LRRC4C: variants seen among roughly 807,000 people sequenced by gnomAD.
LRRC4C encodes leucine-rich repeat-containing protein 4C.
In LRRC4C, 5 loss-of-function variants were observed where a neutral mutation model predicts 33.6. That is an observed-to-expected ratio of 0.15 (90% CI 0.08 to 0.31). The LOEUF (loss-of-function observed/expected upper bound fraction) is 0.31. LRRC4C is among the 10% of genes least tolerant of loss of function. The probability of loss-of-function intolerance (pLI) is 1.00; values close to 1 mark genes in which losing one functional copy is unlikely to be tolerated. For synonymous variants in LRRC4C, 329 were observed against 302.0 expected (o/e 1.09, Z -0.93); for missense variants, 560 against 796.7 (o/e 0.70, Z 3.58).
intron 2 of LRRC4C, among the ~76,000 whole-genome samples, chr11:40,665,695 C>G (rs1231289790): frequency 6.6e-6 from 1 of 151,776 alleles, no homozygotes; most frequent in Non-Finnish European, 1.5e-5. Context: ...TTTTTAAATG[C>G]TTTTGAGGAG....
chr11:40,704,669 A>G (rs1373532300), intron 2 of LRRC4C, among the ~76,000 whole-genome samples: 1 of 152,170 alleles, frequency 6.6e-6, no homozygotes, highest in African/African-American at 2.4e-5. Flanking sequence ...TAGAGTTCAC[A>G]ATAATTTCTG....
chr11:41,253,600 T>C (rs1191526015), intron 1 of LRRC4C, among the ~76,000 whole-genome samples: 1 of 152,050 alleles, frequency 6.6e-6, no homozygotes, highest in Non-Finnish European at 1.5e-5. Flanking sequence ...CATGATGAAA[T>C]AGGTACATAA....
chr11:40,264,171 A>G (rs1358582757), intron 4 of LRRC4C, among the ~76,000 whole-genome samples: 2 of 152,192 alleles, frequency 1.3e-5, no homozygotes, highest in African/African-American at 4.8e-5. Flanking sequence ...TAAGTGCCAG[A>G]GCCAGTATTT....
At chr11:40,488,612 A>G (rs1472032167) in intron 3 of LRRC4C, among the ~76,000 whole-genome samples, 1 of 152,072 alleles carries the variant, frequency 6.6e-6, no homozygotes, top group Non-Finnish European at 1.5e-5. Context: ...GCTTTCTGCA[A>G]CTGAATCTTC....
chr11:40,890,575 G>A (rs1226675801), intron 2 of LRRC4C, among the ~76,000 whole-genome samples: 3 of 152,072 alleles, frequency 2.0e-5, no homozygotes, highest in Non-Finnish European at 4.4e-5. Flanking sequence ...CATTATTTGA[G>A]CAATTTATCT....
intron 2 of LRRC4C, among the ~76,000 whole-genome samples, chr11:40,871,704 C>T (rs1261928495): frequency 6.6e-6 from 1 of 152,058 alleles, no homozygotes; most frequent in African/African-American, 2.4e-5. Context: ...CACTAGACTC[C>T]CCACTCTCCT....
intron 1 of LRRC4C, among the ~76,000 whole-genome samples, chr11:41,118,573 G>A (rs992759598): frequency 2.6e-5 from 4 of 152,170 alleles, no homozygotes; most frequent in East Asian, 1.9e-4. Flanking sequence ...TTCCCATTAC[G>A]ATAGTCAATT....
chr11:40,604,818 G>C (rs1038118145), intron 3 of LRRC4C, among the ~76,000 whole-genome samples: 1 of 151,910 alleles, frequency 6.6e-6, no homozygotes, highest in Non-Finnish European at 1.5e-5. Context: ...AAAAAAGGTA[G>C]CATGAAGGGA....
chr11:40,650,008 T>C (rs1322001689), intron 2 of LRRC4C, among the ~76,000 whole-genome samples: 3 of 152,244 alleles, frequency 2.0e-5, no homozygotes, highest in Non-Finnish European at 4.4e-5. Flanking sequence ...ATTGCTTTGT[T>C]TTGTTTAAAT....
chr11:41,010,604 A>G (rs1855100709), intron 1 of LRRC4C, among the ~76,000 whole-genome samples: 1 of 152,168 alleles, frequency 6.6e-6, no homozygotes, highest in South Asian at 2.1e-4. Flanking sequence ...TCTCCAAAAG[A>G]GGCTTAACTA....
At chr11:40,226,496 G>A (rs1013495346) in intron 5 of LRRC4C, among the ~76,000 whole-genome samples, 4 of 152,160 alleles carry the variant, frequency 2.6e-5, no homozygotes, top group African/African-American at 9.6e-5. Context: ...ATATCTTCTT[G>A]TATGCCCAAT....
At chr11:40,708,207 T>C (rs964796495) in intron 2 of LRRC4C, among the ~76,000 whole-genome samples, 3 of 152,184 alleles carry the variant, frequency 2.0e-5, no homozygotes, top group African/African-American at 7.2e-5. Context: ...TATGTCTCTA[T>C]CTCCTTCAGT....
intron 1 of LRRC4C, among the ~76,000 whole-genome samples, chr11:41,430,852 T>C (rs2138418502): frequency 6.6e-6 from 1 of 152,158 alleles, no homozygotes; most frequent in Non-Finnish European, 1.5e-5. Context: ...ACTTACTTAC[T>C]AGTTGTTCTC....
intron 1 of LRRC4C, among the ~76,000 whole-genome samples, chr11:41,022,565 G>T (rs1462510559): frequency 2.6e-5 from 4 of 151,480 alleles, no homozygotes; most frequent in Admixed American, 6.6e-5. Context: ...TAGGTCATGT[G>T]CTAGTACCAG....
At chr11:41,360,057 C>A (rs1952297976) in intron 1 of LRRC4C, among the ~76,000 whole-genome samples, 1 of 152,146 alleles carries the variant, frequency 6.6e-6, no homozygotes, top group South Asian at 2.1e-4. Context: ...GTGGTGCACA[C>A]TTGTAATCCC....
intron 2 of LRRC4C, among the ~76,000 whole-genome samples, chr11:40,830,403 C>A (rs1591826202): frequency 6.6e-6 from 1 of 152,072 alleles, no homozygotes; most frequent in South Asian, 2.1e-4. Flanking sequence ...AAAGCCCATC[C>A]AACTGCAGAC....
At chr11:40,936,063 T>TATATATAA (rs1957881631) in intron 1 of LRRC4C, among the ~76,000 whole-genome samples, 2 of 92,776 alleles carry the variant, frequency 2.2e-5, no homozygotes, top group Non-Finnish European at 4.5e-5. Context: ...TATATATATA[T>TATATATAA]ATAACATAGT....
chr11:40,417,431 A>G (rs1950366293), intron 3 of LRRC4C, among the ~76,000 whole-genome samples: 2 of 152,046 alleles, frequency 1.3e-5, no homozygotes, highest in Non-Finnish European at 2.9e-5. Flanking sequence ...TCCTGGGTAT[A>G]AGTGATTCTC....
At chr11:40,416,569 A>G (rs998770291) in intron 3 of LRRC4C, among the ~76,000 whole-genome samples, 2 of 152,164 alleles carry the variant, frequency 1.3e-5, no homozygotes, top group Non-Finnish European at 1.5e-5. Flanking sequence ...TGGTGCTAAA[A>G]TGAGTGAAAC....
Sources: allele counts gnomAD v4.1 joint callset (sites outside exome capture counted in the v4.1 genomes callset), GRCh38; gene constraint gnomAD v4.1.1; transcripts MANE v1.5; gene names NCBI Gene and HGNC (gene_info 2026-07-23, HGNC 2026-07-21).